Variants in SEMA3D observed in about 807,000 individuals in gnomAD.
The protein encoded by SEMA3D is semaphorin-3D.
In SEMA3D, 84 loss-of-function variants were observed where a neutral mutation model predicts 100.1. That is an observed-to-expected ratio of 0.84 (90% CI 0.70 to 1.01). SEMA3D has a LOEUF of 1.01. SEMA3D is among the 50% of genes least tolerant of loss of function. The pLI is 0.00. For synonymous variants in SEMA3D, 312 were observed against 320.7 expected, an observed-to-expected ratio of 0.97 and a Z score of 0.29; for missense variants, 875 against 934.1, an observed-to-expected ratio of 0.94 and a Z score of 0.82.
intron 3 of SEMA3D, among the ~76,000 whole-genome samples, chr7:85,108,514 G>C (rs1788996342): frequency 6.6e-6 from 1 of 152,044 alleles, no homozygotes; most frequent in Non-Finnish European, 1.5e-5. Context: ...TTGAAATACA[G>C]ATGTTTTTGT....
At chr7:85,165,084 G>A (rs1027739248) in intron 1 of SEMA3D, among the ~76,000 whole-genome samples, 3 of 151,034 alleles carry the variant, frequency 2.0e-5, no homozygotes, top group Admixed American at 6.6e-5. Context: ...CTATGAGTGA[G>A]AACATGCAGT....
the SEMA3D span, among the ~76,000 whole-genome samples, chr7:85,239,733 T>A: frequency 6.6e-6 from 1 of 152,208 alleles, no homozygotes; most frequent in African/African-American, 2.4e-5. Context: ...GAGCCAGTTG[T>A]AGTCGATAGC....
At chr7:85,140,213 GT>G in intron 2 of SEMA3D, 1 of 632,866 alleles carries the variant, frequency 1.6e-6, no homozygotes, top group Non-Finnish European at 2.0e-6. Flanking sequence ...CAATAAAAAT[GT>G]TTTATTTTAC....
the SEMA3D span, among the ~76,000 whole-genome samples, chr7:85,196,719 A>T: frequency 2.6e-5 from 4 of 152,186 alleles, no homozygotes; most frequent in Non-Finnish European, 5.9e-5. Flanking sequence ...TTTAAATTTT[A>T]TAAAAGGATA....
At chr7:85,040,398 C>T (rs1790824610) in intron 11 of SEMA3D, among the ~76,000 whole-genome samples, 1 of 151,892 alleles carries the variant, frequency 6.6e-6, no homozygotes, top group African/African-American at 2.4e-5. Flanking sequence ...CAACAGTAGG[C>T]ATTTGGAAAT....
chr7:85,069,124 C>G (rs75696916), intron 6 of SEMA3D, among the ~76,000 whole-genome samples: 1 of 152,038 alleles, frequency 6.6e-6, no homozygotes. Context: ...TTAGAGAAAT[C>G]CTGCACTTCA....
chr7:85,147,086 TCTTTTC>T (rs1790231304), intron 2 of SEMA3D, among the ~76,000 whole-genome samples: 11 of 126,400 alleles, frequency 8.7e-5, no homozygotes, highest in African/African-American at 6.1e-5. Flanking sequence ...CTTTTCTTTT[TCTTTTC>T]TTTTTTTTTT....
At chr7:85,227,121 T>C in the SEMA3D span, among the ~76,000 whole-genome samples, 1 of 152,210 alleles carries the variant, frequency 6.6e-6, no homozygotes, top group Non-Finnish European at 1.5e-5. Flanking sequence ...TGCTGAATAG[T>C]ATTTATTCTG....
intron 2 of SEMA3D, among the ~76,000 whole-genome samples, chr7:85,134,534 T>C (rs1789805516): frequency 6.6e-6 from 1 of 152,010 alleles, no homozygotes; most frequent in South Asian, 2.1e-4. Context: ...ATTCCCTAAA[T>C]CTTGCAAGAT....
At chr7:85,035,969 C>T (rs768536641) in intron 12 of SEMA3D, among the ~76,000 whole-genome samples, 1 of 151,886 alleles carries the variant, frequency 6.6e-6, no homozygotes, top group Non-Finnish European at 1.5e-5. Context: ...AAACAGAATT[C>T]GGAAAGCATA....
chr7:85,098,078 A>C, intron 3 of SEMA3D, 113 bp from the exon 4 acceptor site: 1 of 627,812 alleles, frequency 1.6e-6, no homozygotes, highest in Non-Finnish European at 2.5e-6. Flanking sequence ...AGGAAAGAAA[A>C]AGAAAGAAAG....
At chr7:85,066,806 A>G (rs1237458546) in intron 7 of SEMA3D, among the ~76,000 whole-genome samples, 1 of 151,996 alleles carries the variant, frequency 6.6e-6, no homozygotes, top group Non-Finnish European at 1.5e-5. Flanking sequence ...CCCTGTTTAT[A>G]TCCATCTAAA....
At chr7:85,096,844 T>C (rs1788570447) in intron 4 of SEMA3D, among the ~76,000 whole-genome samples, 1 of 151,884 alleles carries the variant, frequency 6.6e-6, no homozygotes, top group South Asian at 2.1e-4. Context: ...TAATACTGTA[T>C]GTAGCTTCAA....
At chr7:85,161,697 C>A (rs1005776481) in intron 1 of SEMA3D, among the ~76,000 whole-genome samples, 2 of 152,052 alleles carry the variant, frequency 1.3e-5, no homozygotes, top group African/African-American at 4.8e-5. Context: ...TACATATAGG[C>A]CAATCTGTGT....
In SEMA3D at chr7:85,051,778, C is replaced by A. The variant is rs1001915490; in HGVS notation, c.861+3939G>T. On this transcript the variant is annotated intron_variant, in intron 9 of 18. Transcript: ENST00000284136. Reference sequence around the variant, plus strand: ...TTTTTTGTTATTTACCATCTCATATCAAAATATATCTCTTTGCACATGTTC... The same window carrying A: ...TTTTTTGTTATTTACCATCTCATATAAAAATATATCTCTTTGCACATGTTC... Among the ~76,000 whole-genome samples the A allele has an allele frequency of 7.9e-5, 12 of 151,990 alleles. No individual in the cohort carries two copies. The East Asian group carries it at 1.4e-3, about 17-fold the overall frequency.
At chr7:85,076,941 A>T (rs1371201848) in intron 5 of SEMA3D, among the ~76,000 whole-genome samples, 1 of 152,058 alleles carries the variant, frequency 6.6e-6, no homozygotes. Context: ...AAATACAAAA[A>T]TACAAAGAAA....
chr7:85,047,419 C>G (rs1178667512), intron 9 of SEMA3D, among the ~76,000 whole-genome samples: 4 of 151,832 alleles, frequency 2.6e-5, no homozygotes, highest in East Asian at 1.9e-4. Context: ...AGCTGTCACA[C>G]ATGAACTTTT....
chr7:85,200,450 C>T, the SEMA3D span, among the ~76,000 whole-genome samples: 1 of 152,036 alleles, frequency 6.6e-6, no homozygotes, highest in Non-Finnish European at 1.5e-5. Flanking sequence ...TTTGCCCCTG[C>T]CCTAGAGATT....
chr7:85,214,905 G>T, the SEMA3D span, among the ~76,000 whole-genome samples: 3 of 152,122 alleles, frequency 2.0e-5, no homozygotes, highest in South Asian at 6.2e-4. Context: ...TTTCACTTGG[G>T]TTCTTTTTGG....
Sources: gnomAD v4.1 joint callset for allele counts (sites outside exome capture counted in the v4.1 genomes callset) on GRCh38, gnomAD v4.1.1 for gene constraint, MANE v1.5 for transcripts, NCBI Gene and HGNC (gene_info 2026-07-23, HGNC 2026-07-21) for gene names.